Variants in VWF observed in about 807,000 individuals in gnomAD.
VWF encodes the protein Factor VIII related antigen.
VWF carries 176 observed loss-of-function variants against 308.6 expected under a neutral mutation model. The ratio of observed to expected loss-of-function variants is 0.57; its 90% CI spans 0.50 to 0.65. The LOEUF (loss-of-function observed/expected upper bound fraction) is 0.65, where lower values mean the gene tolerates loss of function less well. Among genes scored for constraint, VWF ranks in the 30% least tolerant of loss-of-function variants. VWF has a pLI of 0.00. For synonymous variants in VWF, 1,385 were observed against 1,443.4 expected (o/e 0.96, Z 0.92); for missense variants, 3,146 against 3,648.2 (o/e 0.86, Z 3.55).
At chr12:6,103,383 CACGTGTGTGT>C (rs1945192547) in intron 5 of VWF, among the ~76,000 whole-genome samples, 1 of 130,560 alleles carries the variant, frequency 7.7e-6, no homozygotes, top group African/African-American at 3.4e-5. Context: ...TGTGTGTATA[CACGTGTGTGT>C]ATACACGTGT....
chr12:5,957,093 A>C (rs1325617661), intron 47 of VWF, among the ~76,000 whole-genome samples: 16 of 152,178 alleles, frequency 1.1e-4, no homozygotes, highest in Admixed American at 1.0e-3. Context: ...TACAAATGCT[A>C]ATCATTGTGT....
In VWF at chr12:6,063,197, T is replaced by G; in HGVS notation, c.1433-143A>C. The G allele has an allele frequency of 4.1e-6, 3 of 739,942 alleles. No individual in the cohort carries two copies. The highest frequency in any genetic ancestry group is 4.7e-6 in the Non-Finnish European group (2 of 427,010). The allele number at this position is 739,942 out of a possible 1,614,324, so 45.8% of individuals were successfully genotyped here. A position where few individuals can be genotyped will look rare whatever the true frequency, so the allele number is the denominator to read the frequency against. Reference sequence around the variant, plus strand: ...GACTTAGGGGCAGATGGGGTGGCCATGAGGTTTAAGGGGGTGTCAGGAGGA... The same window carrying G: ...GACTTAGGGGCAGATGGGGTGGCCAGGAGGTTTAAGGGGGTGTCAGGAGGA... On this transcript the variant is annotated intron_variant, in intron 12 of 51. Transcript: ENST00000261405. The surrounding 1 kb of genome is among the most constrained non-coding windows in gnomAD (Gnocchi z 4.9).
chr12:6,054,688 G>GA (rs995022360), intron 15 of VWF, among the ~76,000 whole-genome samples: 9 of 151,928 alleles, frequency 5.9e-5, no homozygotes, highest in South Asian at 4.2e-4. Context: ...TTTGCAAGAG[G>GA]AAAAAAAATG....
At chr12:6,052,485 C>T (rs952487352) in intron 16 of VWF, 58 bp downstream of exon 16, 15 of 1,613,300 alleles carry the variant, frequency 9.3e-6, no homozygotes, top group South Asian at 4.4e-5. Flanking sequence ...TTGGGGGTCC[C>T]GTTTTCCTCC....
intron 6 of VWF, among the ~76,000 whole-genome samples, chr12:6,076,398 G>C (rs1944845473): frequency 6.6e-6 from 1 of 152,170 alleles, no homozygotes; most frequent in Non-Finnish European, 1.5e-5. Context: ...TCTTAGGATG[G>C]CTATCATATT....
rs764695443 is a variant in VWF at position 6,019,219 on chromosome 12, T to C, written c.4199A>G (p.Tyr1400Cys). The C allele has an allele frequency of 6.2e-7, 1 of 1,613,886 alleles. No homozygotes were observed. Among genetic ancestry groups the C allele is most frequent in the African/African-American group, 1.3e-5 (1 of 75,004 alleles). Residue 1400 changes from tyrosine (Y) to cysteine (C), a missense_variant, in exon 28 of 52, where the codon TAC becomes TGC. Physicochemically the swap from Tyr to Cys is radical, Grantham distance 194 (BLOSUM62 -2). This residue lies in a region of VWF where 853 missense variants were observed against 1,177.8 expected (regional missense o/e 0.72). Transcript: ENST00000261405. The surrounding 1 kb of genome is among the most constrained non-coding windows in gnomAD (Gnocchi z 5.8). ...PQRMSRNFVR[Y>C]VQGLKKKKVI... Reference sequence around the variant, plus strand: ...CTTCTTCTTCTTCAGGCCCTGGACGTAGCGGACAAAGTTCCGGGACATCCG... The same window carrying C: ...CTTCTTCTTCTTCAGGCCCTGGACGCAGCGGACAAAGTTCCGGGACATCCG...
chr12:6,047,227 C>T (rs1035988969), intron 16 of VWF, among the ~76,000 whole-genome samples: 1 of 152,104 alleles, frequency 6.6e-6, no homozygotes, highest in African/African-American at 2.4e-5. Context: ...TGCTGCCATC[C>T]CCAGTTCCAA....
At chr12:6,081,402 C>T (rs796636014) in intron 6 of VWF, among the ~76,000 whole-genome samples, 8 of 152,034 alleles carry the variant, frequency 5.3e-5, no homozygotes, top group African/African-American at 1.5e-4. Context: ...TATAGTGGCA[C>T]GATCTCAGCT....
At position 6,025,594 on chromosome 12, in the gene VWF, C is replaced by G. The variant is rs761643822; in HGVS notation, c.3208G>C (p.Asp1070His). The change falls in exon 24 of 52, where the codon GAC (aspartate) becomes CAC (histidine). Residue 1070 changes from aspartate (D) to histidine (H), a missense_variant. Asp to His is a moderately conservative substitution (Grantham distance 81, BLOSUM62 -1). Transcript: ENST00000261405. ...AAGGTCCTCACCAGCTTGTTGCAGT[C>G]CTGGAAGACGTCACTGGTAAGGATT... ...CRILTSDVFQ[D>H]CNKLVDPEPY... 6.8e-7 allele frequency: 1 copy of G among 1,477,224 alleles called. No individual in the cohort carries two copies. Among genetic ancestry groups the G allele is most frequent in the Non-Finnish European group, 9.4e-7 (1 of 1,058,290 alleles). 91.5% of individuals were successfully genotyped at this position (1,477,224 alleles called of 1,614,324 possible).
intron 10 of VWF, among the ~76,000 whole-genome samples, chr12:6,067,418 G>A (rs540102319): frequency 3.3e-5 from 5 of 152,282 alleles, no homozygotes; most frequent in South Asian, 2.1e-4. Flanking sequence ...AAGGGTCAAC[G>A]AGAAATGTGC....
At chr12:5,990,650 A>G (rs930108625) in intron 38 of VWF, among the ~76,000 whole-genome samples, 2 of 151,996 alleles carry the variant, frequency 1.3e-5, no homozygotes, top group Non-Finnish European at 2.9e-5. Context: ...ATATGCTTCT[A>G]TCTCTACCAC....
At chr12:6,108,197 G>A (rs904313490) in intron 5 of VWF, among the ~76,000 whole-genome samples, 1 of 151,698 alleles carries the variant, frequency 6.6e-6, no homozygotes, top group East Asian at 2.0e-4. Context: ...AGGAGGCTGA[G>A]GTAGAAGAAT....
intron 18 of VWF, among the ~76,000 whole-genome samples, chr12:6,039,976 C>A (rs1944379477): frequency 6.6e-6 from 1 of 152,172 alleles, no homozygotes; most frequent in African/African-American, 2.4e-5. Context: ...ATTACAGGAG[C>A]CCTGGTCTCA....
chr12:6,016,679 G>T (rs375234166), intron 29 of VWF, 23 bp from the exon 30 acceptor site: 29 of 1,614,090 alleles, frequency 1.8e-5, no homozygotes, highest in South Asian at 2.2e-5. Context: ...AGAAAATGCG[G>T]ATTATTTTGA....
chr12:6,079,927 C>T (rs1944889321), intron 6 of VWF, among the ~76,000 whole-genome samples: 1 of 152,152 alleles, frequency 6.6e-6, no homozygotes, highest in East Asian at 1.9e-4. Context: ...CTGTGCCAGG[C>T]TCAAGGAATG....
At chr12:5,994,301 C>T in intron 36 of VWF, 98 bp from the exon 37 acceptor site, 8 of 1,591,108 alleles carry the variant, frequency 5.0e-6, no homozygotes, top group Non-Finnish European at 6.9e-6. Flanking sequence ...TCACCAGAAT[C>T]TGACCCTCGC....
Position 5,983,297 on chromosome 12 carries a change from G to C in VWF, c.6977-43C>G, listed in dbSNP as rs1446166248. ...AGACGTCCATGCAGAGTTCAGAAAG[G>C]TTACTCTTTTATTACCTGTGAGTGG... On this transcript the variant is annotated intron_variant, in intron 40 of 51. Coordinates refer to ENST00000261405, the MANE Select transcript of VWF (RefSeq NM_000552.5). 1.9e-6 allele frequency: 3 copies of C among 1,591,506 alleles called. No homozygotes were observed. The African/African-American group carries it at 4.0e-5, about 21-fold the overall frequency.
At chr12:6,057,480 T>TTTATTATTATTATTA (rs10667650) in intron 14 of VWF, among the ~76,000 whole-genome samples, 43 of 129,574 alleles carry the variant, frequency 3.3e-4, no homozygotes, top group East Asian at 4.4e-4. Flanking sequence ...GCCCGGCAAA[T>TTTATTATTATTATTA]TTATTATTAT....
chr12:6,014,546 G>C (rs1223805766), intron 31 of VWF, among the ~76,000 whole-genome samples: 2 of 152,202 alleles, frequency 1.3e-5, no homozygotes, highest in Non-Finnish European at 2.9e-5. Context: ...GGCTTGCATG[G>C]AGGTATCAGG....
Sources: gnomAD v4.1 joint callset for allele counts (sites outside exome capture counted in the v4.1 genomes callset) on GRCh38, gnomAD v4.1.1 for gene constraint, gnomAD v4.1.1 regional missense constraint, Gnocchi (gnomAD v3.1) non-coding constraint, MANE v1.5 for transcripts, NCBI Gene and HGNC (gene_info 2026-07-23, HGNC 2026-07-21) for gene names.